The following CDK14 variants were observed in gnomAD, a reference collection of about 807,000 sequenced individuals.
CDK14 encodes cyclin dependent kinase 14.
A neutral mutation model predicts 60.7 loss-of-function variants in CDK14; 34 were observed. That is an observed-to-expected ratio of 0.56 (90% confidence interval 0.43 to 0.75). CDK14 has a LOEUF of 0.75. Ranked by LOEUF, CDK14 falls within the 30% of genes least tolerant of loss-of-function variation. The pLI is 0.00. For synonymous variants in CDK14, 197 were observed against 203.7 expected, an observed-to-expected ratio of 0.97 and a Z score of 0.28; for missense variants, 482 against 564.1, an observed-to-expected ratio of 0.85 and a Z score of 1.47.
At chr7:90,724,696 A>G (rs1802573831) in intron 2 of CDK14, among the ~76,000 whole-genome samples, 1 of 151,356 alleles carries the variant, frequency 6.6e-6, no homozygotes, top group African/African-American at 2.4e-5. Flanking sequence ...GTCATCAACT[A>G]TTTTCTGTCA....
At chr7:91,128,637 G>A (rs1800021914) in intron 14 of CDK14, among the ~76,000 whole-genome samples, 1 of 152,100 alleles carries the variant, frequency 6.6e-6, no homozygotes, top group Admixed American at 6.6e-5. Flanking sequence ...GGGTATAGTT[G>A]TCTACAAGTA....
chr7:91,011,812 C>T (rs978187750), intron 10 of CDK14, among the ~76,000 whole-genome samples: 6 of 152,124 alleles, frequency 3.9e-5, no homozygotes, highest in African/African-American at 1.4e-4. Context: ...TTTCATACCA[C>T]TGCTTAACAT....
At chr7:91,185,086 T>C (rs1028106869) in intron 14 of CDK14, among the ~76,000 whole-genome samples, 1 of 149,574 alleles carries the variant, frequency 6.7e-6, no homozygotes, top group Non-Finnish European at 1.5e-5. Flanking sequence ...GTTCATGTAT[T>C]CAATTACTGT....
intron 11 of CDK14, among the ~76,000 whole-genome samples, chr7:91,078,778 A>G (rs1338389669): frequency 6.6e-6 from 1 of 152,224 alleles, no homozygotes; most frequent in Non-Finnish European, 1.5e-5. Flanking sequence ...AAATATGTGA[A>G]AAGGGACATA....
intron 14 of CDK14, among the ~76,000 whole-genome samples, chr7:91,197,268 C>G (rs1209647695): frequency 6.6e-6 from 1 of 151,992 alleles, no homozygotes; most frequent in Non-Finnish European, 1.5e-5. Context: ...GGCATGGTGG[C>G]GTGTGCCTGT....
chr7:91,172,050 CA>C (rs1170881435), intron 14 of CDK14, among the ~76,000 whole-genome samples: 1 of 152,162 alleles, frequency 6.6e-6, no homozygotes, highest in East Asian at 1.9e-4. Context: ...CAAATTTTAT[CA>C]TAAAACAAAA....
chr7:90,973,019 A>G (rs1055688340), intron 9 of CDK14, among the ~76,000 whole-genome samples: 1 of 152,202 alleles, frequency 6.6e-6, no homozygotes, highest in Non-Finnish European at 1.5e-5. Flanking sequence ...TTGGAAGGAT[A>G]CATAGGATTT....
intron 14 of CDK14, among the ~76,000 whole-genome samples, chr7:91,126,729 C>G (rs572765160): frequency 1.2e-4 from 19 of 152,184 alleles, no homozygotes; most frequent in Non-Finnish European, 1.5e-4. Flanking sequence ...AATTTTCCCA[C>G]CAGTTTTTCA....
intron 8 of CDK14, among the ~76,000 whole-genome samples, chr7:90,947,315 A>G (rs2117533591): frequency 6.6e-6 from 1 of 152,240 alleles, no homozygotes; most frequent in African/African-American, 2.4e-5. Flanking sequence ...GGTCTAGGCT[A>G]CCATCCAATG....
intron 9 of CDK14, among the ~76,000 whole-genome samples, chr7:90,969,105 C>T (rs1226427325): frequency 1.3e-5 from 2 of 152,150 alleles, no homozygotes; most frequent in African/African-American, 2.4e-5. Context: ...AAGAAGCCCA[C>T]AGACTTCACC....
intron 6 of CDK14, among the ~76,000 whole-genome samples, chr7:90,886,741 G>A (rs1791957078): frequency 1.3e-5 from 2 of 152,162 alleles, no homozygotes; most frequent in Non-Finnish European, 2.9e-5. Flanking sequence ...CAAAACATCA[G>A]TGATGTTTGC....
intron 7 of CDK14, among the ~76,000 whole-genome samples, chr7:90,916,277 A>G (rs1437851120): frequency 1.3e-5 from 2 of 152,186 alleles, no homozygotes; most frequent in Non-Finnish European, 2.9e-5. Flanking sequence ...GAGAGGACAA[A>G]TCCAGAGAGA....
chr7:91,072,724 C>T (rs1798190114), intron 11 of CDK14, among the ~76,000 whole-genome samples: 1 of 152,016 alleles, frequency 6.6e-6, no homozygotes. Context: ...CTCTGCTGTG[C>T]TAAAAGGAGC....
chr7:91,046,015 A>C, intron 11 of CDK14, 55 bp downstream of exon 11: 1 of 1,173,986 alleles, frequency 8.5e-7, no homozygotes, highest in Non-Finnish European at 1.3e-6. Context: ...AAAGGTGAGT[A>C]TATAAATGTT....
At chr7:90,636,122 T>C (rs1301354281) in intron 2 of CDK14, among the ~76,000 whole-genome samples, 1 of 150,320 alleles carries the variant, frequency 6.7e-6, no homozygotes, top group Non-Finnish European at 1.5e-5. Context: ...TGAATACACT[T>C]TATTTCCTTC....
intron 14 of CDK14, among the ~76,000 whole-genome samples, chr7:91,162,809 C>G (rs557848056): frequency 1.3e-5 from 2 of 152,254 alleles, no homozygotes; most frequent in South Asian, 4.1e-4. Context: ...ACATGGTAAG[C>G]GATCCATAAA....
intron 6 of CDK14, among the ~76,000 whole-genome samples, chr7:90,871,262 A>G (rs774748798): frequency 9.2e-5 from 14 of 152,176 alleles, no homozygotes; most frequent in Non-Finnish European, 1.9e-4. Flanking sequence ...TATCATGGGG[A>G]TAAGTAAAAC....
intron 6 of CDK14, among the ~76,000 whole-genome samples, chr7:90,897,974 A>G (rs953483062): frequency 6.6e-6 from 1 of 151,972 alleles, no homozygotes; most frequent in Non-Finnish European, 1.5e-5. Flanking sequence ...GATAAAGGCA[A>G]TTTTGTCTCA....
chr7:91,040,490 A>G (rs1054373690), intron 10 of CDK14, among the ~76,000 whole-genome samples: 12 of 152,314 alleles, frequency 7.9e-5, no homozygotes, highest in African/African-American at 2.6e-4. Context: ...ATATGTGTGG[A>G]CTTTCAGAGT....
Sources: gnomAD v4.1 joint callset for allele counts (sites outside exome capture counted in the v4.1 genomes callset) on GRCh38, gnomAD v4.1.1 for gene constraint, MANE v1.5 for transcripts, NCBI Gene and HGNC (gene_info 2026-07-23, HGNC 2026-07-21) for gene names.